NRXN3: variants seen among roughly 807,000 people sequenced by gnomAD.
NRXN3 encodes neurexin 3, also known as neurexin III.
In NRXN3, 32 loss-of-function variants were observed where a neutral mutation model predicts 137.6. The observed-to-expected ratio is 0.23, with a 90% CI of 0.18 to 0.31. The LOEUF (loss-of-function observed/expected upper bound fraction) is 0.31, where lower values mean the gene tolerates loss of function less well. Ranked by LOEUF, NRXN3 falls within the 10% of genes least tolerant of loss-of-function variation. The pLI is 1.00. For synonymous variants in NRXN3, 798 were observed against 784.5 expected, an observed-to-expected ratio of 1.02 and a Z score of -0.29; for missense variants, 1,574 against 2,062.5, an observed-to-expected ratio of 0.76 and a Z score of 4.59.
chr14:78,536,369 A>T (rs547852450), intron 4 of NRXN3, among the ~76,000 whole-genome samples: 1 of 152,226 alleles, frequency 6.6e-6, no homozygotes, highest in African/African-American at 2.4e-5. Context: ...GTTCCTAATA[A>T]TCTACCTGCA....
chr14:79,690,794 A>T (rs2098713653), intron 17 of NRXN3, among the ~76,000 whole-genome samples: 1 of 151,868 alleles, frequency 6.6e-6, no homozygotes, highest in Non-Finnish European at 1.5e-5. Flanking sequence ...GCCAATAATG[A>T]CTCCTATATG....
intron 20 of NRXN3, among the ~76,000 whole-genome samples, chr14:79,852,712 CA>C (rs1045933989): frequency 4.0e-5 from 6 of 151,402 alleles, no homozygotes; most frequent in Non-Finnish European, 1.5e-5. Context: ...AAAAGCAAAG[CA>C]AAAAAAACGT....
chr14:79,644,411 G>A (rs976427534), intron 16 of NRXN3, among the ~76,000 whole-genome samples: 2 of 135,768 alleles, frequency 1.5e-5, no homozygotes, highest in African/African-American at 4.9e-5. Flanking sequence ...TGAGAGCAGA[G>A]AACTGGATAA....
At chr14:78,521,148 C>CTT (rs1328505074) in intron 4 of NRXN3, among the ~76,000 whole-genome samples, 3 of 150,582 alleles carry the variant, frequency 2.0e-5, no homozygotes, top group South Asian at 4.5e-4. Context: ...TTTGTGTACT[C>CTT]TGTCTGTCTG....
chr14:79,651,495 T>C (rs1047297729), intron 16 of NRXN3, among the ~76,000 whole-genome samples: 3 of 151,852 alleles, frequency 2.0e-5, no homozygotes, highest in Non-Finnish European at 1.5e-5. Context: ...ACATAGAACA[T>C]AAAGATGCAT....
chr14:79,063,414 G>A (rs7149771), intron 15 of NRXN3, among the ~76,000 whole-genome samples: 89,232 of 151,894 alleles, frequency 0.59, 26,925 homozygotes, highest in East Asian at 0.81. Context: ...TTCCTGAGTA[G>A]CTGGGATTAC....
chr14:78,824,404 A>G (rs1038030415), intron 10 of NRXN3, among the ~76,000 whole-genome samples: 3 of 152,180 alleles, frequency 2.0e-5, no homozygotes, highest in African/African-American at 7.2e-5. Flanking sequence ...ATTTGGGGAA[A>G]TGCACTATTC....
Position 78,988,421 on chromosome 14 carries a change from T to C in NRXN3, c.3262+280T>C, listed in dbSNP as rs147495621. 1,703 of 396,466 alleles carry C rather than the reference T, an allele frequency of 4.3e-3. 30 individuals are homozygous for C. Among genetic ancestry groups the C allele is most frequent in the East Asian group, 0.032 (594 of 18,400 alleles). 24.6% of individuals were successfully genotyped at this position (396,466 alleles called of 1,614,324 possible). A position where few individuals can be genotyped will look rare whatever the true frequency, so the allele number is the denominator to read the frequency against. On this transcript the variant is annotated intron_variant, in intron 15 of 20. Coordinates refer to ENST00000335750, the MANE Select transcript of NRXN3 (RefSeq NM_001330195.2). ...ACAATAACCACAGCAGCAAACCATT[T>C]CAGGCAATATTTTTGTTGTAAGGGC...
At chr14:79,162,672 T>G (rs1239877723) in intron 15 of NRXN3, among the ~76,000 whole-genome samples, 1 of 151,894 alleles carries the variant, frequency 6.6e-6, no homozygotes, top group Non-Finnish European at 1.5e-5. Flanking sequence ...CCAGTTAGAA[T>G]GGCAATCATT....
At chr14:79,137,468 C>T (rs2058360392) in intron 15 of NRXN3, among the ~76,000 whole-genome samples, 2 of 151,962 alleles carry the variant, frequency 1.3e-5, no homozygotes, top group African/African-American at 4.8e-5. Context: ...TAAACAATGT[C>T]TAGAATTGTG....
chr14:79,843,869 T>C (rs1046790474), intron 20 of NRXN3, among the ~76,000 whole-genome samples: 2 of 152,172 alleles, frequency 1.3e-5, no homozygotes, highest in African/African-American at 2.4e-5. Context: ...GCAGTGTACA[T>C]TGTACCCAAT....
At chr14:79,695,844 T>C (rs1466399168) in intron 18 of NRXN3, among the ~76,000 whole-genome samples, 1 of 151,964 alleles carries the variant, frequency 6.6e-6, no homozygotes, top group African/African-American at 2.4e-5. Context: ...CTGTTTTGAT[T>C]GCATCCTTGG....
chr14:79,261,960 T>A (rs1004898866), intron 15 of NRXN3, among the ~76,000 whole-genome samples: 1 of 152,076 alleles, frequency 6.6e-6, no homozygotes, highest in African/African-American at 2.4e-5. Flanking sequence ...CAGATGCTAA[T>A]GTGGTGGGAG....
In NRXN3 at chr14:79,747,459, G is replaced by A. The variant is rs555828043; in HGVS notation, c.4014+49522G>A. Among the ~76,000 whole-genome samples the A allele has an allele frequency of 3.9e-5, 6 of 152,182 alleles. No homozygotes were observed. In the East Asian group the frequency reaches 1.2e-3, roughly 30 times the overall value. ...GAAAATAGTGCAGTGGGAGAACCCTGAACTCAGGAAATATGGCCCATTTCC... is the reference window on the plus strand; with the variant it reads ...GAAAATAGTGCAGTGGGAGAACCCTAAACTCAGGAAATATGGCCCATTTCC... On this transcript the variant is annotated intron_variant, in intron 19 of 20. Coordinates refer to ENST00000335750, the MANE Select transcript of NRXN3 (RefSeq NM_001330195.2).
intron 20 of NRXN3, among the ~76,000 whole-genome samples, chr14:79,824,203 C>T (rs562584694): frequency 6.6e-6 from 1 of 152,328 alleles, no homozygotes; most frequent in East Asian, 1.9e-4. Flanking sequence ...CTACCTCCCT[C>T]TTCCTCTTCT....
chr14:79,429,024 A>G (rs986297035), intron 15 of NRXN3, among the ~76,000 whole-genome samples: 2 of 152,202 alleles, frequency 1.3e-5, no homozygotes, highest in South Asian at 2.1e-4. Flanking sequence ...TGTTCCTGAT[A>G]ATAAATTAAA....
chr14:78,276,802 C>T (rs1337223757), intron 2 of NRXN3, among the ~76,000 whole-genome samples: 1 of 152,204 alleles, frequency 6.6e-6, no homozygotes, highest in East Asian at 1.9e-4. Flanking sequence ...TTTGTATGAA[C>T]AATGGTGTTG....
intron 4 of NRXN3, among the ~76,000 whole-genome samples, chr14:78,430,390 A>G (rs1226051033): frequency 6.6e-6 from 1 of 152,220 alleles, no homozygotes; most frequent in East Asian, 1.9e-4. Context: ...TAGCGTTACT[A>G]TGGCTAAATG....
chr14:79,290,686 G>A (rs1481541858), intron 15 of NRXN3, among the ~76,000 whole-genome samples: 6 of 147,636 alleles, frequency 4.1e-5, no homozygotes, highest in Non-Finnish European at 6.0e-5. Flanking sequence ...AAAAAAAATA[G>A]CCACCACGCT....
Sources: allele counts gnomAD v4.1 joint callset (sites outside exome capture counted in the v4.1 genomes callset), GRCh38; gene constraint gnomAD v4.1.1; transcripts MANE v1.5; gene names NCBI Gene and HGNC (gene_info 2026-07-23, HGNC 2026-07-21).